Variants in SGMS1 observed in about 807,000 individuals in gnomAD.
SGMS1 encodes phosphatidylcholine:ceramide cholinephosphotransferase 1.
SGMS1 carries 13 observed loss-of-function variants against 46.2 expected under a neutral mutation model. The ratio of observed to expected loss-of-function variants is 0.28; its 90% confidence interval spans 0.18 to 0.45. The LOEUF is 0.45. SGMS1 is among the 20% of genes least tolerant of loss of function. SGMS1 has a pLI of 1.00. For missense variants in SGMS1, 324 were observed against 519.9 expected, an observed-to-expected ratio of 0.62 and a Z score of 3.66; for synonymous variants, 203 against 187.8, an observed-to-expected ratio of 1.08 and a Z score of -0.66.
chr10:50,565,593 C>T (rs1483210228), intron 2 of SGMS1, among the ~76,000 whole-genome samples: 1 of 152,220 alleles, frequency 6.6e-6, no homozygotes, highest in Non-Finnish European at 1.5e-5. Context: ...GGATAAGCAA[C>T]ATATACGCTC....
At chr10:50,523,032 C>T (rs184747177) in intron 2 of SGMS1, among the ~76,000 whole-genome samples, 62 of 152,220 alleles carry the variant, frequency 4.1e-4, no homozygotes, top group African/African-American at 1.3e-3. Flanking sequence ...TATATCACAG[C>T]GGGGAAAGTG....
Position 50,398,609 on chromosome 10 carries a change from T to C in SGMS1, c.-232+34867A>G, listed in dbSNP as rs144097052. Among the ~76,000 whole-genome samples the C allele has an allele frequency of 1.1e-4, 17 of 152,208 alleles. 2 individuals carry two copies. The East Asian group carries it at 2.7e-3, about 24-fold the overall frequency. On this transcript the variant is annotated intron_variant, in intron 6 of 10. Coordinates refer to ENST00000361781, the MANE Select transcript of SGMS1 (RefSeq NM_147156.4). ...CTGGTAAGTTTTTGCTATATTTTGG[T>C]AGCAAGTCTTCTGAGAAATCAATGC...
At chr10:50,515,676 C>T (rs2133780234) in intron 3 of SGMS1, among the ~76,000 whole-genome samples, 1 of 152,296 alleles carries the variant, frequency 6.6e-6, no homozygotes, top group South Asian at 2.1e-4. Context: ...AGTACTACTC[C>T]ATCACCTCCC....
Position 50,594,543 on chromosome 10 carries a change from G to A in SGMS1, c.-683-4296C>T, listed in dbSNP as rs1838572580. 4.6e-5 allele frequency among the ~76,000 whole-genome samples: 7 copies of A among 152,218 alleles called. No individual in the cohort carries two copies. In the South Asian group the frequency reaches 1.5e-3, roughly 32 times the overall value. On this transcript the variant is annotated intron_variant, in intron 1 of 10. Coordinates refer to ENST00000361781, the MANE Select transcript of SGMS1 (RefSeq NM_147156.4). ...TTTTAATATTTTTACCTATAAAATT[G>A]TTATTTATTACACTTGATTTTATTT...
At chr10:50,378,162 C>T (rs77431268) in intron 6 of SGMS1, among the ~76,000 whole-genome samples, 2,408 of 152,302 alleles carry the variant, frequency 0.016, 73 homozygotes, top group African/African-American at 0.054. Flanking sequence ...TTATACATTT[C>T]ACTTGCAGCT....
intron 3 of SGMS1, chr10:50,472,705 T>C (rs1837389223): frequency 6.6e-6 from 1 of 152,210 alleles, no homozygotes; most frequent in African/African-American, 2.4e-5. Flanking sequence ...GTGAGATTAC[T>C]GAACTGTATG....
intron 6 of SGMS1, among the ~76,000 whole-genome samples, chr10:50,380,879 C>T (rs1191447057): frequency 2.0e-5 from 3 of 152,018 alleles, no homozygotes; most frequent in Non-Finnish European, 4.4e-5. Context: ...GACCAGGCTG[C>T]GGTGCAGTGG....
intron 6 of SGMS1, among the ~76,000 whole-genome samples, chr10:50,411,642 C>T (rs1849102637): frequency 6.6e-6 from 1 of 152,220 alleles, no homozygotes; most frequent in Non-Finnish European, 1.5e-5. Flanking sequence ...GAATTGTGGT[C>T]ACTGGTTCCA....
chr10:50,575,972 C>T (rs1838381600), intron 2 of SGMS1, among the ~76,000 whole-genome samples: 1 of 152,168 alleles, frequency 6.6e-6, no homozygotes. Flanking sequence ...CATTCACATC[C>T]TGCCTGAGCT....
At chr10:50,434,449 A>G (rs1849447213) in intron 5 of SGMS1, among the ~76,000 whole-genome samples, 1 of 152,178 alleles carries the variant, frequency 6.6e-6, no homozygotes, top group African/African-American at 2.4e-5. Flanking sequence ...GAGATTAATA[A>G]TTGTGATATG....
chr10:50,541,466 A>G (rs1228597494), intron 2 of SGMS1, among the ~76,000 whole-genome samples: 1 of 152,210 alleles, frequency 6.6e-6, no homozygotes, highest in East Asian at 1.9e-4. Context: ...CAACATCTGT[A>G]TGAGGGGCAT....
At chr10:50,467,193 TATAAC>T (rs1258555963) in intron 3 of SGMS1, among the ~76,000 whole-genome samples, 14 of 152,058 alleles carry the variant, frequency 9.2e-5, no homozygotes, top group African/African-American at 3.4e-4. Context: ...CATCTGATGG[TATAAC>T]ATGAGTTTTA....
At chr10:50,374,111 C>T (rs986790902) in intron 6 of SGMS1, among the ~76,000 whole-genome samples, 4 of 152,142 alleles carry the variant, frequency 2.6e-5, no homozygotes, top group African/African-American at 9.7e-5. Flanking sequence ...CAGCACTAAG[C>T]AGCTAATGAC....
intron 6 of SGMS1, among the ~76,000 whole-genome samples, chr10:50,352,014 T>C (rs967752846): frequency 8.5e-5 from 13 of 152,174 alleles, no homozygotes; most frequent in Admixed American, 2.0e-4. Flanking sequence ...TAAAGCCCAA[T>C]CATTCTGACC....
At chr10:50,512,356 T>G (rs1161007544) in intron 3 of SGMS1, among the ~76,000 whole-genome samples, 1 of 152,182 alleles carries the variant, frequency 6.6e-6, no homozygotes, top group Non-Finnish European at 1.5e-5. Flanking sequence ...GCTCTCTCTC[T>G]GTCTTCATGA....
chr10:50,370,036 G>C (rs1158672089), intron 6 of SGMS1, among the ~76,000 whole-genome samples: 1 of 152,116 alleles, frequency 6.6e-6, no homozygotes, highest in Non-Finnish European at 1.5e-5. Context: ...TAAAAATATG[G>C]TATAAATAAT....
At chr10:50,391,145 G>C (rs1169285020) in intron 6 of SGMS1, among the ~76,000 whole-genome samples, 1 of 152,058 alleles carries the variant, frequency 6.6e-6, no homozygotes, top group Non-Finnish European at 1.5e-5. Flanking sequence ...AAAGAACAAG[G>C]CACATTTCCA....
chr10:50,565,374 T>C (rs1396338104), intron 2 of SGMS1, among the ~76,000 whole-genome samples: 2 of 152,200 alleles, frequency 1.3e-5, no homozygotes, highest in African/African-American at 4.8e-5. Context: ...AAGATGACAA[T>C]GTAATCTACA....
chr10:50,445,171 A>G lies in SGMS1; in HGVS notation c.-312-11615T>C, dbSNP rs145989433. On this transcript the variant is annotated intron_variant, in intron 5 of 10. Coordinates refer to ENST00000361781, the MANE Select transcript of SGMS1 (RefSeq NM_147156.4). Reference sequence around the variant, plus strand: ...ATCTACAAGATACCACTTTACCTGCACTGGAATGCTAATTTTAAAAATACT... The same window carrying G: ...ATCTACAAGATACCACTTTACCTGCGCTGGAATGCTAATTTTAAAAATACT... Among the ~76,000 whole-genome samples the G allele has an allele frequency of 3.1e-3, 473 of 152,334 alleles. 2 individuals carry two copies. The highest frequency in any genetic ancestry group is 0.01 in the Middle Eastern group (3 of 294).
Sources: allele counts gnomAD v4.1 joint callset (sites outside exome capture counted in the v4.1 genomes callset), GRCh38; gene constraint gnomAD v4.1.1; transcripts MANE v1.5; gene names NCBI Gene and HGNC (gene_info 2026-07-23, HGNC 2026-07-21).